LIMCH1: variants seen among roughly 807,000 people sequenced by gnomAD.
LIMCH1 encodes the protein LIM and calponin homology domains-containing protein 1.
A neutral mutation model predicts 176.5 loss-of-function variants in LIMCH1; 113 were observed. The ratio of observed to expected loss-of-function variants is 0.64; its 90% CI spans 0.55 to 0.75. LIMCH1 has a LOEUF of 0.75. Among genes scored for constraint, LIMCH1 ranks in the 30% least tolerant of loss-of-function variants. The pLI, the probability that LIMCH1 is intolerant of heterozygous loss-of-function variation, is 0.00. For synonymous variants in LIMCH1, 619 were observed against 645.9 expected (o/e 0.96, Z 0.63); for missense variants, 1,674 against 1,814.9 (o/e 0.92, Z 1.41).
chr4:41,579,766 T>C (rs2152672745), intron 1 of LIMCH1, among the ~76,000 whole-genome samples: 1 of 152,272 alleles, frequency 6.6e-6, no homozygotes, highest in East Asian at 1.9e-4. Context: ...GGATGCATGA[T>C]AGGGGATGAT....
At chr4:41,422,255 T>C (rs2060669100) in intron 1 of LIMCH1, among the ~76,000 whole-genome samples, 1 of 152,054 alleles carries the variant, frequency 6.6e-6, no homozygotes, top group Non-Finnish European at 1.5e-5. Flanking sequence ...ATGAGTGATC[T>C]CGGCTCACTG....
intron 2 of LIMCH1, among the ~76,000 whole-genome samples, chr4:41,511,254 A>G (rs532607182): frequency 7.9e-5 from 12 of 152,254 alleles, no homozygotes; most frequent in Admixed American, 7.8e-4. Context: ...CCTGCTTTGT[A>G]TCTTTCTTGC....
chr4:41,491,046 G>A (rs1410526541), intron 1 of LIMCH1, among the ~76,000 whole-genome samples: 2 of 142,340 alleles, frequency 1.4e-5, no homozygotes. Context: ...TTCCCAGACG[G>A]GGCGGCTGGG....
At chr4:41,549,470 G>C (rs757245599) in intron 1 of LIMCH1, among the ~76,000 whole-genome samples, 11 of 152,116 alleles carry the variant, frequency 7.2e-5, no homozygotes, top group Non-Finnish European at 1.6e-4. Context: ...CTTGCCCTTA[G>C]TCATTTTATT....
chr4:41,472,573 C>T (rs1454326379), intron 1 of LIMCH1, among the ~76,000 whole-genome samples: 2 of 152,066 alleles, frequency 1.3e-5, no homozygotes, highest in African/African-American at 4.8e-5. Context: ...GTGCATGCCA[C>T]CACACCTGGC....
chr4:41,419,655 T>C (rs2060373028), intron 1 of LIMCH1, among the ~76,000 whole-genome samples: 1 of 57,068 alleles, frequency 1.8e-5, no homozygotes, highest in Non-Finnish European at 3.1e-5. Flanking sequence ...TCTTCCTCCT[T>C]CCTTCCTTCC....
intron 2 of LIMCH1, among the ~76,000 whole-genome samples, chr4:41,514,038 A>ATTATTAATT: frequency 7.6e-6 from 1 of 131,934 alleles, no homozygotes; most frequent in South Asian, 2.4e-4. Flanking sequence ...AAAAAAAAAA[A>ATTATTAATT]AAAAAAAAAT....
At chr4:41,393,660 C>T (rs2057495478) in intron 1 of LIMCH1, among the ~76,000 whole-genome samples, 1 of 152,092 alleles carries the variant, frequency 6.6e-6, no homozygotes, top group Non-Finnish European at 1.5e-5. Context: ...TCATTTGGAG[C>T]TTGAATATCT....
chr4:41,647,539 T>A (rs2152931683), intron 17 of LIMCH1, among the ~76,000 whole-genome samples: 1 of 152,348 alleles, frequency 6.6e-6, no homozygotes, highest in Non-Finnish European at 1.5e-5. Context: ...ATCTTTTCGC[T>A]TCCTCAAATT....
At chr4:41,384,766 TGATTATTCTGTAA>T (rs1185078712) in intron 1 of LIMCH1, among the ~76,000 whole-genome samples, 2 of 152,206 alleles carry the variant, frequency 1.3e-5, no homozygotes, top group Non-Finnish European at 2.9e-5. Flanking sequence ...GCTCTTTTTC[TGATTATTCTGTAA>T]GTACAGCGTT....
chr4:41,599,024 C>A lies in LIMCH1; in HGVS notation c.-136C>A. ...AGGATACATCCAACAGAGTAACAGTCAAGTAAGTAAAGCGTGATTTATGTT... is the reference window on the plus strand; with the variant it reads ...AGGATACATCCAACAGAGTAACAGTAAAGTAAGTAAAGCGTGATTTATGTT... On this transcript the variant is annotated splice_region_variant and 5_prime_UTR_variant, in exon 2 of 32. Coordinates refer to ENST00000503057, the MANE Select transcript of LIMCH1 (RefSeq NM_001330672.2). The A allele has an allele frequency of 1.3e-6, 2 of 1,583,630 alleles. No homozygotes were observed. The highest frequency in any genetic ancestry group is 2.2e-5 in the South Asian group (2 of 90,156).
At chr4:41,528,436 A>C (rs112729795) in intron 3 of LIMCH1, among the ~76,000 whole-genome samples, 35 of 152,374 alleles carry the variant, frequency 2.3e-4, no homozygotes, top group African/African-American at 5.3e-4. Context: ...ATGGGTTTGA[A>C]GATGGCAGAG....
chr4:41,388,397 G>C (rs1235966084), intron 1 of LIMCH1, among the ~76,000 whole-genome samples: 1 of 152,218 alleles, frequency 6.6e-6, no homozygotes, highest in Non-Finnish European at 1.5e-5. Context: ...ACTGTACATT[G>C]TGTTATTCCA....
At chr4:41,681,624 A>G (rs772467139) in intron 25 of LIMCH1, among the ~76,000 whole-genome samples, 14 of 152,060 alleles carry the variant, frequency 9.2e-5, no homozygotes, top group Non-Finnish European at 1.8e-4. Flanking sequence ...TGATCTTGCC[A>G]TTGCACCACT....
At chr4:41,690,724 C>T (rs1379182688) in intron 30 of LIMCH1, among the ~76,000 whole-genome samples, 1 of 152,106 alleles carries the variant, frequency 6.6e-6, no homozygotes, top group Non-Finnish European at 1.5e-5. Context: ...TTAATAATAA[C>T]AGTAATCACT....
intron 1 of LIMCH1, among the ~76,000 whole-genome samples, chr4:41,559,638 A>G (rs2081796166): frequency 6.6e-6 from 1 of 152,074 alleles, no homozygotes; most frequent in Admixed American, 6.6e-5. Context: ...CCTGACTTCC[A>G]CTGCTTCATG....
At chr4:41,627,113 C>A in intron 8 of LIMCH1, 103 bp downstream of exon 8, 3 of 1,377,496 alleles carry the variant, frequency 2.2e-6, no homozygotes, top group Non-Finnish European at 9.6e-7. Context: ...GTATTGTACC[C>A]CCTCCAGTTC....
rs531448993 is a variant in LIMCH1, at chr4:41,676,945, C to T, written c.3519+483C>T. 5.3e-5 allele frequency among the ~76,000 whole-genome samples: 8 copies of T among 152,110 alleles called. No individual in the cohort carries two copies. In the South Asian group the frequency reaches 1.7e-3, roughly 32 times the overall value. ...TGGGAGGCCGATGTGAGTGCATCAT[C>T]TGAGGTCAGGAGTTGGAGACCAGCC... On this transcript the variant is annotated intron_variant, in intron 23 of 31. Coordinates refer to ENST00000503057, the MANE Select transcript of LIMCH1 (RefSeq NM_001330672.2).
intron 1 of LIMCH1, among the ~76,000 whole-genome samples, chr4:41,373,015 A>G (rs894874265): frequency 3.9e-5 from 6 of 152,150 alleles, no homozygotes; most frequent in Admixed American, 2.0e-4. Context: ...TGTCCTAGGG[A>G]CTCAGTAGTA....
Sources: gnomAD v4.1 joint callset for allele counts (sites outside exome capture counted in the v4.1 genomes callset) on GRCh38, gnomAD v4.1.1 for gene constraint, MANE v1.5 for transcripts, NCBI Gene and HGNC (gene_info 2026-07-23, HGNC 2026-07-21) for gene names.